Variants in SLC26A4 observed in about 807,000 individuals in gnomAD.
The protein encoded by SLC26A4 is pendrin.
In SLC26A4, 93 loss-of-function variants were observed where a neutral mutation model predicts 90.4. The observed-to-expected ratio is 1.03, with a 90% CI of 0.87 to 1.22. SLC26A4 has a LOEUF of 1.22. Among genes scored for constraint, SLC26A4 ranks in the 50% most tolerant of loss-of-function variants. The probability of loss-of-function intolerance (pLI) is 0.00; values close to 1 mark genes in which losing one functional copy is unlikely to be tolerated. For synonymous variants in SLC26A4, 393 were observed against 354.6 expected (o/e 1.11, Z -1.22); for missense variants, 1,127 against 946.2 (o/e 1.19, Z -2.51).
chr7:107,679,759 G>A (rs1464224831), intron 6 of SLC26A4, among the ~76,000 whole-genome samples: 1 of 147,378 alleles, frequency 6.8e-6, no homozygotes, highest in Non-Finnish European at 1.5e-5. Context: ...TAGAAGTACT[G>A]TTCAGTGTTT....
chr7:107,693,388 A>T (rs1791633571), intron 10 of SLC26A4: 1 of 985,430 alleles, frequency 1.0e-6, no homozygotes, highest in Non-Finnish European at 1.2e-6. Flanking sequence ...TTTGCCAGGT[A>T]GAGCAAGTGC....
At chr7:107,668,075 C>A (rs1790766017) in intron 3 of SLC26A4, among the ~76,000 whole-genome samples, 1 of 152,108 alleles carries the variant, frequency 6.6e-6, no homozygotes, top group Admixed American at 6.5e-5. Flanking sequence ...CCATCTAGCA[C>A]TTGTGGTCAC....
At chr7:107,701,252 A>G in intron 16 of SLC26A4, 56 bp downstream of exon 16, 1 of 1,052,560 alleles carries the variant, frequency 9.5e-7, no homozygotes, top group South Asian at 1.3e-5. Context: ...TGATGAGAGC[A>G]GTTAGAGGGT....
chr7:107,684,054 C>T (rs1170556230), intron 8 of SLC26A4, among the ~76,000 whole-genome samples: 1 of 152,158 alleles, frequency 6.6e-6, no homozygotes, highest in African/African-American at 2.4e-5. Context: ...CAAGGTCCTT[C>T]ATTCATCTCT....
At chr7:107,703,822 A>T (rs1791964836) in intron 17 of SLC26A4, among the ~76,000 whole-genome samples, 1 of 152,182 alleles carries the variant, frequency 6.6e-6, no homozygotes. Context: ...TTTTGACATA[A>T]TTGTAAATTC....
chr7:107,683,703 A>C (rs1791319133), intron 8 of SLC26A4, among the ~76,000 whole-genome samples, 166 bp downstream of exon 8: 1 of 152,236 alleles, frequency 6.6e-6, no homozygotes, highest in African/African-American at 2.4e-5. Context: ...GTATGTGTGT[A>C]GATAAACGTC....
chr7:107,680,313 A>ATTATATAATGTTATT lies in SLC26A4; in HGVS notation c.766-2885_766-2884insATAATGTTATTTTAT, dbSNP rs1214062590. ...ATCTTATTATATAATATAATCTTAT[A>ATTATATAATGTTATT]TTATTATATAATCTTATCTTATTAT... is the stretch of plus-strand genomic sequence containing the variant. On this transcript the variant is annotated intron_variant, in intron 6 of 20. Transcript: ENST00000644269. Among the ~76,000 whole-genome samples the ATTATATAATGTTATT allele has an allele frequency of 3.6e-3, 488 of 135,604 alleles. 5 individuals are homozygous for ATTATATAATGTTATT. Among genetic ancestry groups the ATTATATAATGTTATT allele is most frequent in the Middle Eastern group, 0.014 (2 of 144 alleles). 89.0% of individuals were successfully genotyped at this position (135,604 alleles called of 152,430 possible).
Position 107,710,149 on chromosome 7 carries a change from C to T in SLC26A4, c.2185C>T (p.Leu729=), listed in dbSNP as rs758851434. ...GACGGTCCATGATGCTATACTCTAT[C>T]TACAGAACCAAGTGAAATCTCAAGA... is the stretch of plus-strand genomic sequence containing the variant. ...FLTVHDAILY[L]QNQVKSQEGQ... The change falls in exon 19 of 21, where the codon CTA becomes TTA. Residue 729 remains leucine, a synonymous_variant. Transcript: ENST00000644269. 54 of 1,608,928 alleles carry T rather than the reference C, an allele frequency of 3.4e-5. No homozygotes were observed. Among genetic ancestry groups the T allele is most frequent in the Middle Eastern group, 3.3e-4 (2 of 6,080 alleles).
chr7:107,675,975 AGTGGT>A (rs2129312255), intron 6 of SLC26A4, among the ~76,000 whole-genome samples: 1 of 152,366 alleles, frequency 6.6e-6, no homozygotes, highest in Non-Finnish European at 1.5e-5. Context: ...ATGAAAACAA[AGTGGT>A]CTAATGAAGT....
intron 8 of SLC26A4, among the ~76,000 whole-genome samples, chr7:107,686,617 A>G (rs2129315333): frequency 6.6e-6 from 1 of 151,892 alleles, no homozygotes; most frequent in Non-Finnish European, 1.5e-5. Context: ...CCTCCTGAGT[A>G]GCTGGGACAA....
intron 8 of SLC26A4, among the ~76,000 whole-genome samples, chr7:107,688,212 T>C (rs1273091751): frequency 6.6e-6 from 1 of 152,198 alleles, no homozygotes; most frequent in African/African-American, 2.4e-5. Flanking sequence ...GAACCTTATT[T>C]CTATTTTATT....
chr7:107,679,250 G>A (rs1176862522), intron 6 of SLC26A4, among the ~76,000 whole-genome samples: 2 of 152,126 alleles, frequency 1.3e-5, no homozygotes, highest in African/African-American at 4.8e-5. Context: ...CAGTAGACAA[G>A]GGTGAGAGCT....
In SLC26A4 at chr7:107,715,449, G is replaced by C; in HGVS notation, c.*3G>C. On this transcript the variant is annotated 3_prime_UTR_variant, in exon 21 of 21. Transcript: ENST00000644269. ...CTATGCGTACACTTGCATCCTGAAA[G>C]TGGGTTCGGGAGGTCTCTATGAGCA... is the stretch of plus-strand genomic sequence containing the variant. 1 of 1,612,940 alleles carries C rather than the reference G, an allele frequency of 6.2e-7. No homozygotes were observed. Among genetic ancestry groups the C allele is most frequent in the Non-Finnish European group, 8.5e-7 (1 of 1,178,900 alleles).
intron 6 of SLC26A4, among the ~76,000 whole-genome samples, chr7:107,679,402 A>G (rs1021844402): frequency 2.6e-5 from 4 of 152,216 alleles, no homozygotes; most frequent in African/African-American, 9.6e-5. Context: ...AATGCCTGAC[A>G]GCAAAAGGTG....
chr7:107,691,399 G>A (rs1245845528), intron 10 of SLC26A4, among the ~76,000 whole-genome samples: 1 of 151,896 alleles, frequency 6.6e-6, no homozygotes, highest in Non-Finnish European at 1.5e-5. Context: ...CTACTTGGGA[G>A]GCTGAGGCAG....
chr7:107,663,715 G>A (rs559166458), intron 3 of SLC26A4, among the ~76,000 whole-genome samples: 5 of 152,182 alleles, frequency 3.3e-5, no homozygotes, highest in South Asian at 2.1e-4. Flanking sequence ...ACGGGGGCTC[G>A]CTCTGTCACC....
rs146281367 is a variant in SLC26A4 at position 107,683,537 on chromosome 7, G to A, written c.1001G>A (p.Gly334Glu). Residue 334 changes from glycine (G) to glutamate (E), a missense_variant and splice_region_variant, in exon 8 of 21, where the codon GGG (glycine) becomes GAG (glutamate). Transcript: ENST00000644269. ...GGCATTGTTAAATCCATCCCAAGGGGGTGAGTGTGGTGTTCCTCTTAGTAC... is the reference window on the plus strand; with the variant it reads ...GGCATTGTTAAATCCATCCCAAGGGAGTGAGTGTGGTGTTCCTCTTAGTAC... ...NAGIVKSIPR[G>E]FLPPELPPVS... The A allele has an allele frequency of 4.3e-6, 7 of 1,612,484 alleles. No individual in the cohort carries two copies. In the African/African-American group the frequency reaches 5.3e-5, roughly 12 times the overall value.
At chr7:107,672,328 T>A in intron 4 of SLC26A4, 80 bp downstream of exon 4, 3 of 799,324 alleles carry the variant, frequency 3.8e-6, no homozygotes, top group Non-Finnish European at 6.3e-6. Context: ...ATACCTCTAT[T>A]AGGTTGGTGC....
intron 8 of SLC26A4, among the ~76,000 whole-genome samples, chr7:107,686,002 T>G (rs1373275667): frequency 1.3e-5 from 2 of 152,112 alleles, no homozygotes; most frequent in Non-Finnish European, 2.9e-5. Flanking sequence ...GGTCCCCTTG[T>G]TGTCATGTTT....
Sources: allele counts gnomAD v4.1 joint callset (sites outside exome capture counted in the v4.1 genomes callset), GRCh38; gene constraint gnomAD v4.1.1; transcripts MANE v1.5; gene names NCBI Gene and HGNC (gene_info 2026-07-23, HGNC 2026-07-21).